The following TMIGD3 variants were observed in gnomAD, a reference collection of about 807,000 sequenced individuals.
TMIGD3 encodes AD026 protein (AD026).
A neutral mutation model predicts 28.1 loss-of-function variants in TMIGD3; 21 were observed. The ratio of observed to expected loss-of-function variants is 0.75; its 90% CI spans 0.53 to 1.08. The LOEUF (loss-of-function observed/expected upper bound fraction) is 1.08. Among genes scored for constraint, TMIGD3 ranks in the 50% least tolerant of loss-of-function variants. TMIGD3 has a pLI of 0.00. For missense variants in TMIGD3, 416 were observed against 435.6 expected, an observed-to-expected ratio of 0.96 and a Z score of 0.40; for synonymous variants, 151 against 162.1, an observed-to-expected ratio of 0.93 and a Z score of 0.52.
chr1:111,490,041 A>C (rs1016864162), intron 2 of TMIGD3, among the ~76,000 whole-genome samples: 1 of 152,134 alleles, frequency 6.6e-6, no homozygotes, highest in Non-Finnish European at 1.5e-5. Flanking sequence ...CCCCACAAGG[A>C]AGATAGCATG....
intron 1 of TMIGD3, among the ~76,000 whole-genome samples, chr1:111,554,643 T>C (rs1429343432): frequency 6.6e-6 from 1 of 152,204 alleles, no homozygotes; most frequent in African/African-American, 2.4e-5. Context: ...CAAAGGAATA[T>C]GGTGAAAAAA....
At chr1:111,549,193 G>A (rs1657153499) in intron 1 of TMIGD3, among the ~76,000 whole-genome samples, 1 of 152,066 alleles carries the variant, frequency 6.6e-6, no homozygotes, top group Non-Finnish European at 1.5e-5. Context: ...TGGTCTTATA[G>A]AAGGTGTTAG....
At chr1:111,492,044 C>A (rs571702752) in intron 1 of TMIGD3, among the ~76,000 whole-genome samples, 125 of 152,304 alleles carry the variant, frequency 8.2e-4, no homozygotes, top group African/African-American at 2.9e-3. Flanking sequence ...GCAACTTCCA[C>A]CCTAGTCTCT....
intron 1 of TMIGD3, among the ~76,000 whole-genome samples, chr1:111,518,065 TGGTAGA>T (rs1023916551): frequency 2.6e-5 from 4 of 152,238 alleles, no homozygotes; most frequent in African/African-American, 9.6e-5. Flanking sequence ...ATGCAGTTCA[TGGTAGA>T]GCCAGGATCT....
chr1:111,534,497 A>G (rs956580637), intron 1 of TMIGD3, among the ~76,000 whole-genome samples: 2 of 152,030 alleles, frequency 1.3e-5, no homozygotes, highest in African/African-American at 2.4e-5. Flanking sequence ...GCATTGTCTC[A>G]CTCTTAGATG....
At chr1:111,498,838 C>T (rs1655011302) in intron 1 of TMIGD3, among the ~76,000 whole-genome samples, 1 of 152,204 alleles carries the variant, frequency 6.6e-6, no homozygotes. Context: ...GTAATCCCAA[C>T]ACTTTGGCAA....
At chr1:111,551,787 T>C (rs540170936) in intron 1 of TMIGD3, among the ~76,000 whole-genome samples, 34 of 151,906 alleles carry the variant, frequency 2.2e-4, no homozygotes, top group Middle Eastern at 3.4e-3. Flanking sequence ...ATGGAGTCTT[T>C]ACAGAGGGAT....
chr1:111,518,321 A>C (rs1655933998), intron 1 of TMIGD3, among the ~76,000 whole-genome samples: 1 of 152,208 alleles, frequency 6.6e-6, no homozygotes, highest in Non-Finnish European at 1.5e-5. Flanking sequence ...CTTTGCATAC[A>C]TTATCTCTAA....
At chr1:111,496,788 G>T (rs2100971345) in intron 1 of TMIGD3, among the ~76,000 whole-genome samples, 1 of 152,290 alleles carries the variant, frequency 6.6e-6, no homozygotes. Context: ...TTGAGTCTCT[G>T]CCAAAATGCA....
At chr1:111,533,182 C>T (rs1009237903) in intron 1 of TMIGD3, among the ~76,000 whole-genome samples, 2 of 152,086 alleles carry the variant, frequency 1.3e-5, no homozygotes, top group Non-Finnish European at 2.9e-5. Flanking sequence ...CATTTTTGTA[C>T]GTGGAGGACA....
At chr1:111,483,847 C>A in intron 5 of TMIGD3, 90 bp from the exon 6 acceptor site, 2 of 1,021,530 alleles carry the variant, frequency 2.0e-6, no homozygotes, top group South Asian at 2.6e-5. Flanking sequence ...CAAACTCTGT[C>A]ATGGGGCTTT....
At chr1:111,533,166 A>G (rs1203043288) in intron 1 of TMIGD3, among the ~76,000 whole-genome samples, 1 of 152,184 alleles carries the variant, frequency 6.6e-6, no homozygotes, top group African/African-American at 2.4e-5. Flanking sequence ...AATATGCAAA[A>G]TACTTCATTT....
intron 1 of TMIGD3, among the ~76,000 whole-genome samples, chr1:111,510,353 T>G (rs1010094386): frequency 3.9e-5 from 6 of 152,202 alleles, no homozygotes; most frequent in Admixed American, 1.3e-4. Context: ...AAAACTGTAC[T>G]ATGAAGTATG....
intron 1 of TMIGD3, among the ~76,000 whole-genome samples, chr1:111,562,208 C>T (rs1657769608): frequency 6.6e-6 from 1 of 152,092 alleles, no homozygotes; most frequent in South Asian, 2.1e-4. Context: ...GAAATTTCTT[C>T]TGACCCCACC....
At chr1:111,552,750 C>A (rs1657320084) in intron 1 of TMIGD3, among the ~76,000 whole-genome samples, 1 of 152,174 alleles carries the variant, frequency 6.6e-6, no homozygotes, top group Non-Finnish European at 1.5e-5. Context: ...TTCCTACATG[C>A]ATGACCTGGA....
chr1:111,508,541 A>G (rs2100991850), upstream of TMIGD3, among the ~76,000 whole-genome samples: 1 of 152,332 alleles, frequency 6.6e-6, no homozygotes. Context: ...GGGAAGGCAA[A>G]GGGGTCGAGA....
intron 1 of TMIGD3, among the ~76,000 whole-genome samples, chr1:111,542,018 A>G (rs968299341): frequency 3.3e-5 from 5 of 152,122 alleles, no homozygotes; most frequent in Admixed American, 1.3e-4. Flanking sequence ...CATTCATTCC[A>G]TAAGCATTCC....
At chr1:111,545,739 G>T (rs1657012058) in intron 1 of TMIGD3, among the ~76,000 whole-genome samples, 1 of 152,104 alleles carries the variant, frequency 6.6e-6, no homozygotes, top group Admixed American at 6.5e-5. Context: ...CCTTTGAAAA[G>T]CTTTGTTATT....
chr1:111,485,059 A>T (rs528930499), intron 5 of TMIGD3, among the ~76,000 whole-genome samples: 88 of 152,284 alleles, frequency 5.8e-4, no homozygotes, highest in African/African-American at 2.1e-3. Context: ...TCCCTTCTCT[A>T]TTTAGGGATG....
Sources: gnomAD v4.1 joint callset for allele counts (sites outside exome capture counted in the v4.1 genomes callset) on GRCh38, gnomAD v4.1.1 for gene constraint, MANE v1.5 for transcripts, NCBI Gene and HGNC (gene_info 2026-07-23, HGNC 2026-07-21) for gene names.